The following BUB1B variants were observed in gnomAD, a reference collection of about 807,000 sequenced individuals.
BUB1B encodes BUB1 mitotic checkpoint serine/threonine kinase B.
In BUB1B, 86 loss-of-function variants were observed where a neutral mutation model predicts 137.7. The observed-to-expected ratio is 0.62, with a 90% CI of 0.52 to 0.75. The LOEUF (loss-of-function observed/expected upper bound fraction) is 0.75, where lower values mean the gene tolerates loss of function less well. Ranked by LOEUF, BUB1B falls within the 30% of genes least tolerant of loss-of-function variation. The probability of loss-of-function intolerance (pLI) is 0.00; values close to 1 mark genes in which losing one functional copy is unlikely to be tolerated. For missense variants in BUB1B, 1,130 were observed against 1,236.9 expected (o/e 0.91, Z 1.30); for synonymous variants, 420 against 417.9 (o/e 1.00, Z -0.06).
chr15:40,198,239 G>GTTT (rs35740616), intron 9 of BUB1B, among the ~76,000 whole-genome samples: 48 of 146,156 alleles, frequency 3.3e-4, no homozygotes, highest in African/African-American at 1.1e-3. Context: ...TTTCTATTGT[G>GTTT]TTTTTTTTTT....
intron 15 of BUB1B, among the ~76,000 whole-genome samples, chr15:40,208,276 G>A (rs914258469): frequency 8.5e-5 from 13 of 152,128 alleles, no homozygotes; most frequent in Admixed American, 7.9e-4. Context: ...AGTGGCTCAC[G>A]CCTATAATCC....
chr15:40,178,922 T>C (rs2037251653), intron 5 of BUB1B, among the ~76,000 whole-genome samples: 1 of 152,068 alleles, frequency 6.6e-6, no homozygotes, highest in Non-Finnish European at 1.5e-5. Flanking sequence ...AAAACCACTC[T>C]TAGAGTTGTA....
intron 22 of BUB1B, among the ~76,000 whole-genome samples, chr15:40,218,925 T>G (rs572963956): frequency 9.8e-5 from 15 of 152,366 alleles, no homozygotes; most frequent in African/African-American, 3.6e-4. Flanking sequence ...ATTTATTTAT[T>G]TTTTGAGACG....
chr15:40,174,959 G>A (rs990392010), intron 4 of BUB1B, among the ~76,000 whole-genome samples: 2 of 151,806 alleles, frequency 1.3e-5, no homozygotes, highest in African/African-American at 4.8e-5. Context: ...GTGAGACTCT[G>A]TCTCAAAAAA....
intron 1 of BUB1B, among the ~76,000 whole-genome samples, chr15:40,163,736 C>G (rs1281632278): frequency 3.3e-5 from 5 of 152,156 alleles, no homozygotes; most frequent in Non-Finnish European, 7.4e-5. Flanking sequence ...AGTCTTTATT[C>G]AGAAGTTTGG....
At chr15:40,217,081 G>T (rs1009138650) in intron 20 of BUB1B, among the ~76,000 whole-genome samples, 4 of 152,078 alleles carry the variant, frequency 2.6e-5, no homozygotes, top group African/African-American at 9.7e-5. Flanking sequence ...AGCCTATCTG[G>T]AATAGTAAAC....
At chr15:40,200,193 A>G in intron 10 of BUB1B, 51 bp from the exon 11 acceptor site, 1 of 1,271,816 alleles carries the variant, frequency 7.9e-7, no homozygotes, top group Non-Finnish European at 1.1e-6. Context: ...ACTAGAAAAT[A>G]GCATTTTCTG....
rs534178434 is a variant in BUB1B at position 40,219,790 on chromosome 15, G to T, written c.2958-774G>T. Among the ~76,000 whole-genome samples, 10 of 151,556 alleles carry T rather than the reference G, an allele frequency of 6.6e-5. 1 individual carries two copies. Among genetic ancestry groups the T allele is most frequent in the African/African-American group, 2.4e-4 (10 of 41,276 alleles). On this transcript the variant is annotated intron_variant, in intron 22 of 22. Transcript: ENST00000287598. ...ATAAGTTCCCAGCCTGTCACCTATTGTTATATTCTTTGGTTAAAAAAAAAA... is the reference window on the plus strand; with the variant it reads ...ATAAGTTCCCAGCCTGTCACCTATTTTTATATTCTTTGGTTAAAAAAAAAA...
At chr15:40,197,186 C>G (rs7178873) in intron 9 of BUB1B, among the ~76,000 whole-genome samples, 2 of 152,050 alleles carry the variant, frequency 1.3e-5, no homozygotes, top group Non-Finnish European at 2.9e-5. Flanking sequence ...TTCACTTTAC[C>G]TTTGATACTT....
Position 40,210,157 on chromosome 15 carries a change from T to C in BUB1B, c.2332T>C (p.Tyr778His). Residue 778 changes from tyrosine (Y) to histidine (H), a missense_variant, in exon 18 of 23, where the codon TAC becomes CAC. By Grantham distance (83) the Tyr-to-His change is moderately conservative. Coordinates refer to ENST00000287598, the MANE Select transcript of BUB1B (RefSeq NM_001211.6). ...ACGAGAATACCTAATATGTGAAGAT[T>C]ACAAGTTATTCTGGGTGGCGCCAAG... ...IKREYLICED[Y>H]KLFWVAPRNS... is the part of the protein sequence containing the mutation. 1 of 1,612,862 alleles carries C rather than the reference T, an allele frequency of 6.2e-7. No homozygotes were observed. The highest frequency in any genetic ancestry group is 8.5e-7 in the Non-Finnish European group (1 of 1,178,988).
rs529518117 is a variant in BUB1B, at chr15:40,186,751, C to T, written c.1058+1109C>T. ...TGAGCCACTGCGCCCAGCCCTAGTC[C>T]TAATACTAGGTTGAATTCTGTCCCA... is the stretch of plus-strand genomic sequence containing the variant. On this transcript the variant is annotated intron_variant, in intron 8 of 22. Coordinates refer to ENST00000287598, the MANE Select transcript of BUB1B (RefSeq NM_001211.6). Among the ~76,000 whole-genome samples the T allele has an allele frequency of 2.0e-5, 3 of 151,974 alleles. No homozygotes were observed. In the South Asian group the frequency reaches 6.2e-4, roughly 32 times the overall value.
chr15:40,166,718 G>C (rs1231820108), intron 2 of BUB1B, among the ~76,000 whole-genome samples: 1 of 152,150 alleles, frequency 6.6e-6, no homozygotes, highest in Non-Finnish European at 1.5e-5. Context: ...TGAAGAAACT[G>C]GTTTACCAAG....
rs924699585 is a variant in BUB1B at position 40,176,768 on chromosome 15, C to T, written c.581+95C>T. On this transcript the variant is annotated intron_variant, in intron 5 of 22. Coordinates refer to ENST00000287598, the MANE Select transcript of BUB1B (RefSeq NM_001211.6). ...AATAAAGTGCTTTCTGGTGGATTGG[C>T]ATGTTAAGTTTACTTAGTTACTATT... 3.8e-6 allele frequency: 5 copies of T among 1,323,698 alleles called. No homozygotes were observed. In the Admixed American group the frequency reaches 9.5e-5, roughly 25 times the overall value. The allele number at this position is 1,323,698 out of a possible 1,614,324, so 82.0% of individuals were successfully genotyped here. A position where few individuals can be genotyped will look rare whatever the true frequency, so the allele number is the denominator to read the frequency against.
At chr15:40,214,109 A>G (rs1342909539) in intron 20 of BUB1B, among the ~76,000 whole-genome samples, 4 of 152,234 alleles carry the variant, frequency 2.6e-5, no homozygotes, top group African/African-American at 7.2e-5. Flanking sequence ...GTGCCACTCT[A>G]GCGAGGATGC....
In BUB1B at chr15:40,213,218, T is replaced by C. The variant is rs58030495; in HGVS notation, c.2536-114T>C. ...CATAGACTCAGTCTACAGAGGTGCCTACGTTCCAGTAGAGAACAAGGAAGA... is the reference window on the plus strand; with the variant it reads ...CATAGACTCAGTCTACAGAGGTGCCCACGTTCCAGTAGAGAACAAGGAAGA... On this transcript the variant is annotated intron_variant, in intron 19 of 22. Transcript: ENST00000287598. 9,089 of 1,129,906 alleles carry C rather than the reference T, an allele frequency of 8.0e-3. 488 individuals are homozygous for C. In the African/African-American group the frequency reaches 0.12, roughly 15 times the overall value. 70.0% of individuals were successfully genotyped at this position (1,129,906 alleles called of 1,614,324 possible).
At position 40,161,085 on chromosome 15, in the gene BUB1B, C is replaced by T. The variant is rs748839836; in HGVS notation, c.-136C>T. 2.2e-5 allele frequency: 26 copies of T among 1,193,356 alleles called. No homozygotes were observed. The African/African-American group carries it at 2.9e-4, about 13-fold the overall frequency. The allele number at this position is 1,193,356 out of a possible 1,614,324, so 73.9% of individuals were successfully genotyped here. A position where few individuals can be genotyped will look rare whatever the true frequency, so the allele number is the denominator to read the frequency against. The stretch of plus-strand genomic sequence containing the variant: ...GCTAGGGGTGTGGGCTTGAGGTGGC[C>T]GGTTTGTTAGGGAGTCGTGTACGTG... On this transcript the variant is annotated 5_prime_UTR_variant, in exon 1 of 23. Coordinates refer to ENST00000287598, the MANE Select transcript of BUB1B (RefSeq NM_001211.6).
intron 9 of BUB1B, among the ~76,000 whole-genome samples, chr15:40,198,429 A>G (rs913525533): frequency 3.3e-5 from 5 of 152,116 alleles, no homozygotes; most frequent in African/African-American, 1.2e-4. Context: ...ACTTGTATAA[A>G]TTCCCATCTG....
chr15:40,187,037 G>C (rs1212309188), intron 8 of BUB1B: 1 of 151,908 alleles, frequency 6.6e-6, no homozygotes, highest in Non-Finnish European at 1.5e-5. Context: ...TGCCATCCCA[G>C]CACTTTGGGA....
intron 4 of BUB1B, chr15:40,173,936 G>GA (rs1249764902): frequency 9.2e-6 from 4 of 434,076 alleles, no homozygotes; most frequent in Non-Finnish European, 9.1e-6. Flanking sequence ...TCTAGCTAAG[G>GA]AAAAAATTGT....
Sources: gnomAD v4.1 joint callset for allele counts (sites outside exome capture counted in the v4.1 genomes callset) on GRCh38, gnomAD v4.1.1 for gene constraint, MANE v1.5 for transcripts, NCBI Gene and HGNC (gene_info 2026-07-23, HGNC 2026-07-21) for gene names.